SPTLC1: variants seen among roughly 807,000 people sequenced by gnomAD.
SPTLC1 encodes serine palmitoyltransferase long chain base subunit 1.
A neutral mutation model predicts 68.9 loss-of-function variants in SPTLC1; 55 were observed. That is an observed-to-expected ratio of 0.80 (90% CI 0.64 to 1.00). The LOEUF is 1.00. SPTLC1 is among the 50% of genes least tolerant of loss of function. SPTLC1 has a pLI of 0.00. For synonymous variants in SPTLC1, 197 were observed against 201.6 expected (o/e 0.98, Z 0.19); for missense variants, 449 against 573.1 (o/e 0.78, Z 2.21).
At chr9:92,107,495 G>GT (rs1198459196) in intron 3 of SPTLC1, among the ~76,000 whole-genome samples, 1 of 152,230 alleles carries the variant, frequency 6.6e-6, no homozygotes, top group African/African-American at 2.4e-5. Flanking sequence ...GCTCACGCCT[G>GT]TAATCCCAGC....
intron 6 of SPTLC1, among the ~76,000 whole-genome samples, chr9:92,066,212 C>G (rs960892785): frequency 1.3e-5 from 2 of 152,026 alleles, no homozygotes; most frequent in Non-Finnish European, 2.9e-5. Context: ...AGCAAATGAG[C>G]AGAGCAGGGT....
intron 3 of SPTLC1, among the ~76,000 whole-genome samples, chr9:92,089,550 AAGAC>A (rs1489234935): frequency 6.6e-6 from 1 of 152,234 alleles, no homozygotes; most frequent in Non-Finnish European, 1.5e-5. Context: ...AGAAAAATGA[AAGAC>A]AGAGCTGAGA....
At chr9:92,086,341 T>C (rs1304425670) in intron 3 of SPTLC1, among the ~76,000 whole-genome samples, 1 of 152,250 alleles carries the variant, frequency 6.6e-6, no homozygotes, top group Non-Finnish European at 1.5e-5. Context: ...CTAGTCTGGA[T>C]GGTCTTTACA....
At chr9:92,034,023 T>C (rs997457388) in intron 14 of SPTLC1, among the ~76,000 whole-genome samples, 28 of 152,336 alleles carry the variant, frequency 1.8e-4, no homozygotes, top group African/African-American at 6.0e-4. Context: ...GCTTGCACTC[T>C]GTACTCCCAG....
intron 2 of SPTLC1, chr9:92,111,846 C>T (rs1043540451): frequency 6.5e-6 from 1 of 153,026 alleles, no homozygotes; most frequent in African/African-American, 2.4e-5. Flanking sequence ...GCTAGAAATA[C>T]CATGTCTCGT....
chr9:92,088,880 T>C (rs1043972459), intron 3 of SPTLC1, among the ~76,000 whole-genome samples: 6 of 152,090 alleles, frequency 3.9e-5, no homozygotes, highest in Admixed American at 2.0e-4. Context: ...TAAAATCTTA[T>C]AGGGTATGCT....
rs79060955 is a variant in SPTLC1, at chr9:92,068,817, T to C, written c.428-719A>G. Among the ~76,000 whole-genome samples the C allele has an allele frequency of 2.2e-3, 331 of 152,348 alleles. 1 individual carries two copies. Among genetic ancestry groups the C allele is most frequent in the African/African-American group, 7.4e-3 (307 of 41,566 alleles). On this transcript the variant is annotated intron_variant, in intron 5 of 14. Coordinates refer to ENST00000262554, the MANE Select transcript of SPTLC1 (RefSeq NM_006415.4). ...TCTCAGACTGAACCATGAGGCTTCA[T>C]GCCCTCGGACGGAGGACCAGTGATG... is the stretch of plus-strand genomic sequence containing the variant.
chr9:92,112,019 C>T (rs1349071434), intron 2 of SPTLC1: 2 of 162,778 alleles, frequency 1.2e-5, no homozygotes, highest in Non-Finnish European at 2.7e-5. Context: ...TTTGATTTAC[C>T]ATACACATAA....
intron 3 of SPTLC1, among the ~76,000 whole-genome samples, chr9:92,088,515 T>C (rs1245230918): frequency 6.6e-6 from 1 of 152,220 alleles, no homozygotes; most frequent in African/African-American, 2.4e-5. Flanking sequence ...CCTCCCTGAT[T>C]TCATAGTCAG....
chr9:92,034,050 C>T lies in SPTLC1; in HGVS notation c.1328+760G>A, dbSNP rs533456999. ...TACTCCCAGATGAACCTGGAGGTCT[C>T]CAAGCCACTGAAAACCCTGAGCAAA... is the stretch of plus-strand genomic sequence containing the variant. On this transcript the variant is annotated intron_variant, in intron 14 of 14. Coordinates refer to ENST00000262554, the MANE Select transcript of SPTLC1 (RefSeq NM_006415.4). 3.9e-5 allele frequency among the ~76,000 whole-genome samples: 6 copies of T among 152,364 alleles called. No individual in the cohort carries two copies. The East Asian group carries it at 1.2e-3, about 29-fold the overall frequency.
At chr9:92,101,237 G>T (rs184524607) in intron 3 of SPTLC1, among the ~76,000 whole-genome samples, 1 of 152,052 alleles carries the variant, frequency 6.6e-6, no homozygotes, top group South Asian at 2.1e-4. Context: ...TAGCCTGAAT[G>T]AGAAATTCAA....
Position 92,106,645 on chromosome 9 carries a change from C to T in SPTLC1, c.260+2095G>A, listed in dbSNP as rs553538013. Among the ~76,000 whole-genome samples, 211 of 152,194 alleles carry T rather than the reference C, an allele frequency of 1.4e-3. 1 individual carries two copies. The highest frequency in any genetic ancestry group is 3.9e-3 in the African/African-American group (160 of 41,530). The stretch of plus-strand genomic sequence containing the variant: ...CGTGCTGTTGGGCCCCTCATTTTGC[C>T]TGTCCCTCCACCTTCTCTCACACCA... On this transcript the variant is annotated intron_variant, in intron 3 of 14. Transcript: ENST00000262554.
intron 3 of SPTLC1, among the ~76,000 whole-genome samples, chr9:92,083,176 C>T (rs951780462): frequency 6.6e-6 from 1 of 151,900 alleles, no homozygotes; most frequent in African/African-American, 2.4e-5. Context: ...AAAATTTTCT[C>T]CCATTTTGTA....
chr9:92,037,868 C>G (rs960758753), intron 13 of SPTLC1, among the ~76,000 whole-genome samples: 1 of 152,170 alleles, frequency 6.6e-6, no homozygotes, highest in Non-Finnish European at 1.5e-5. Context: ...GTGTGCTATG[C>G]CCACACACAA....
At chr9:92,067,305 A>AC (rs112666149) in intron 6 of SPTLC1, among the ~76,000 whole-genome samples, 17,370 of 138,054 alleles carry the variant, frequency 0.13, 2,260 homozygotes, top group African/African-American at 0.36. Context: ...TCTCACACAC[A>AC]AAAAAAAAAA....
At chr9:92,067,837 G>T in intron 6 of SPTLC1, 129 bp downstream of exon 6, 1 of 1,107,392 alleles carries the variant, frequency 9.0e-7, no homozygotes, top group Non-Finnish European at 1.3e-6. Context: ...CTTTGGTGAG[G>T]TGACTATTTC....
intron 6 of SPTLC1, among the ~76,000 whole-genome samples, chr9:92,061,489 G>GA (rs1350727595): frequency 6.6e-6 from 1 of 152,112 alleles, no homozygotes; most frequent in African/African-American, 2.4e-5. Context: ...CTACCCTAAA[G>GA]AAATGGCCAA....
chr9:92,071,518 T>C (rs1342744795), intron 5 of SPTLC1, among the ~76,000 whole-genome samples: 1 of 152,260 alleles, frequency 6.6e-6, no homozygotes, highest in Non-Finnish European at 1.5e-5. Context: ...ATGTTTTTCA[T>C]GTTTTCACAT....
At chr9:92,077,800 T>C (rs1834736652) in intron 5 of SPTLC1, among the ~76,000 whole-genome samples, 1 of 152,196 alleles carries the variant, frequency 6.6e-6, no homozygotes, top group Admixed American at 6.5e-5. Context: ...CTTAACTCTC[T>C]CAGAATGGAC....
Sources: allele counts gnomAD v4.1 joint callset (sites outside exome capture counted in the v4.1 genomes callset), GRCh38; gene constraint gnomAD v4.1.1; transcripts MANE v1.5; gene names NCBI Gene and HGNC (gene_info 2026-07-23, HGNC 2026-07-21).